Variants in RGS6 observed in about 807,000 individuals in gnomAD.
The protein encoded by RGS6 is regulator of G-protein signaling 6.
RGS6 carries 30 observed loss-of-function variants against 78.5 expected under a neutral mutation model. The ratio of observed to expected loss-of-function variants is 0.38; its 90% CI spans 0.29 to 0.52. The LOEUF (loss-of-function observed/expected upper bound fraction) is 0.52. Ranked by LOEUF, RGS6 falls within the 20% of genes least tolerant of loss-of-function variation. The pLI, the probability that RGS6 is intolerant of heterozygous loss-of-function variation, is 0.85. For missense variants in RGS6, 495 were observed against 609.7 expected (o/e 0.81, Z 1.98); for synonymous variants, 206 against 206.0 (o/e 1.00, Z 0.00).
intron 2 of RGS6, among the ~76,000 whole-genome samples, chr14:72,318,948 A>G (rs1400492770): frequency 6.6e-6 from 1 of 152,208 alleles, no homozygotes; most frequent in East Asian, 1.9e-4. Context: ...CCTTTGTAAT[A>G]AGACTTAACA....
At chr14:72,134,057 A>C (rs780666756) in intron 2 of RGS6, among the ~76,000 whole-genome samples, 1 of 152,220 alleles carries the variant, frequency 6.6e-6, no homozygotes, top group Non-Finnish European at 1.5e-5. Flanking sequence ...AATGAAGCCT[A>C]CTTGGCATCC....
the RGS6 span, among the ~76,000 whole-genome samples, chr14:72,611,901 G>A: frequency 3.9e-5 from 6 of 152,020 alleles, no homozygotes; most frequent in East Asian, 1.9e-4. Flanking sequence ...TACACCTTCC[G>A]TGATGGCGCG....
intron 2 of RGS6, among the ~76,000 whole-genome samples, chr14:72,017,790 A>G (rs1228895718): frequency 6.7e-6 from 1 of 150,358 alleles, no homozygotes; most frequent in South Asian, 2.1e-4. Context: ...TTCAACTTTT[A>G]TTTTAAGTTC....
chr14:72,077,798 C>G (rs936055572), intron 2 of RGS6, among the ~76,000 whole-genome samples: 2 of 152,076 alleles, frequency 1.3e-5, no homozygotes, highest in African/African-American at 4.8e-5. Context: ...TTCAAGAAAA[C>G]CCCTAGGGGT....
chr14:72,561,030 C>CT (rs58426614), intron 17 of RGS6, among the ~76,000 whole-genome samples: 3,747 of 152,228 alleles, frequency 0.025, 167 homozygotes, highest in African/African-American at 0.086. Flanking sequence ...GGCCATGCCT[C>CT]TCCATGGAGA....
At chr14:71,870,602 A>G in the RGS6 span, among the ~76,000 whole-genome samples, 36 of 152,324 alleles carry the variant, frequency 2.4e-4, no homozygotes, top group African/African-American at 8.2e-4. Flanking sequence ...TATCACGGGA[A>G]GCACACCAAG....
chr14:72,550,531 G>A (rs2097490141), intron 17 of RGS6: 1 of 1,535,718 alleles, frequency 6.5e-7, no homozygotes, highest in Non-Finnish European at 8.7e-7. Context: ...AATGGAGATG[G>A]AGCATCCAAG....
At chr14:71,912,656 C>T in the RGS6 span, among the ~76,000 whole-genome samples, 1 of 152,222 alleles carries the variant, frequency 6.6e-6, no homozygotes, top group East Asian at 1.9e-4. Flanking sequence ...TACCAGTTGA[C>T]CAACACTCTC....
upstream of RGS6, among the ~76,000 whole-genome samples, chr14:71,931,629 A>AT (rs1385006262): frequency 6.6e-6 from 1 of 152,156 alleles, no homozygotes; most frequent in Non-Finnish European, 1.5e-5. Context: ...TATTCTTGAT[A>AT]TTGATAGCAT....
intron 2 of RGS6, among the ~76,000 whole-genome samples, chr14:71,982,967 GT>G (rs2094532991): frequency 6.6e-6 from 1 of 152,180 alleles, no homozygotes; most frequent in Non-Finnish European, 1.5e-5. Flanking sequence ...CTCTTAAAAT[GT>G]TTTAGAAAAG....
intron 2 of RGS6, among the ~76,000 whole-genome samples, chr14:72,052,929 CTT>C (rs1186616493): frequency 4.2e-5 from 1 of 23,724 alleles, no homozygotes; most frequent in Non-Finnish European, 7.4e-5. Flanking sequence ...TTGTATTTTT[CTT>C]TCTTTCTTTC....
At chr14:72,501,056 C>G (rs144551233) in intron 13 of RGS6, among the ~76,000 whole-genome samples, 327 of 152,160 alleles carry the variant, frequency 2.1e-3, no homozygotes, top group African/African-American at 7.3e-3. Context: ...AAAGGAGAGA[C>G]AGTGAGAATG....
At chr14:72,482,165 T>C (rs1333839878) in intron 12 of RGS6, among the ~76,000 whole-genome samples, 2 of 152,218 alleles carry the variant, frequency 1.3e-5, no homozygotes, top group Admixed American at 1.3e-4. Context: ...TCCACTTTAC[T>C]TCCTAATAAA....
At position 71,956,357 on chromosome 14, in the gene RGS6, G is replaced by GTGTGTGTGTA. The variant is rs1555400488; in HGVS notation, c.-20-8414_-20-8413insGTGTGTGTAT. ...TGTGTGTGTGTGTGTGTGTGTGTGT[G>GTGTGTGTGTA]TATATTCTATTTTTATATATACAAT... On this transcript the variant is annotated intron_variant, in intron 1 of 17. Transcript: ENST00000553525. Among the ~76,000 whole-genome samples, 270 of 150,588 alleles carry GTGTGTGTGTA rather than the reference G, an allele frequency of 1.8e-3. 2 individuals carry two copies. The highest frequency in any genetic ancestry group is 6.0e-3 in the African/African-American group (244 of 40,972).
At chr14:71,969,290 G>A (rs549671961) in intron 2 of RGS6, among the ~76,000 whole-genome samples, 5 of 152,058 alleles carry the variant, frequency 3.3e-5, no homozygotes, top group African/African-American at 9.6e-5. Flanking sequence ...TTGCTTCTTC[G>A]GTAAAGATTT....
chr14:71,904,515 A>G, the RGS6 span, among the ~76,000 whole-genome samples: 30 of 152,378 alleles, frequency 2.0e-4, 1 homozygote, highest in Middle Eastern at 6.8e-3. Context: ...GAACTAATAC[A>G]GAGGAAATAT....
At chr14:72,234,921 G>A (rs924370353) in intron 2 of RGS6, among the ~76,000 whole-genome samples, 3 of 152,136 alleles carry the variant, frequency 2.0e-5, no homozygotes, top group Non-Finnish European at 4.4e-5. Context: ...TGGGAAAGGG[G>A]AAGAAAAGAG....
At chr14:72,414,043 T>C (rs1341997134) in intron 3 of RGS6, among the ~76,000 whole-genome samples, 1 of 152,218 alleles carries the variant, frequency 6.6e-6, no homozygotes. Context: ...GACAATTATG[T>C]GTCTTGGAGT....
chr14:72,040,825 G>C (rs181879174), intron 2 of RGS6, among the ~76,000 whole-genome samples: 1 of 152,056 alleles, frequency 6.6e-6, no homozygotes, highest in East Asian at 1.9e-4. Context: ...CATTGATTCT[G>C]TTTTGCTCTT....
Sources: allele counts gnomAD v4.1 joint callset (sites outside exome capture counted in the v4.1 genomes callset), GRCh38; gene constraint gnomAD v4.1.1; transcripts MANE v1.5; gene names NCBI Gene and HGNC (gene_info 2026-07-23, HGNC 2026-07-21).